ALDH7A1: variants seen among roughly 807,000 people sequenced by gnomAD.
ALDH7A1 encodes aldehyde dehydrogenase 7 family member A1.
A neutral mutation model predicts 79.9 loss-of-function variants in ALDH7A1; 63 were observed. The ratio of observed to expected loss-of-function variants is 0.79; its 90% CI spans 0.64 to 0.97. The LOEUF is 0.97. Ranked by LOEUF, ALDH7A1 falls within the 50% of genes least tolerant of loss-of-function variation. The pLI is 0.00. For synonymous variants in ALDH7A1, 240 were observed against 231.2 expected (o/e 1.04, Z -0.34); for missense variants, 627 against 665.2 (o/e 0.94, Z 0.63).
chr5:126,550,352 G>C (rs1749951791), intron 14 of ALDH7A1, 59 bp from the exon 15 acceptor site: 1 of 1,273,700 alleles, frequency 7.9e-7, no homozygotes, highest in Non-Finnish European at 1.1e-6. Context: ...AAAGTTCACT[G>C]ACATTAAACT....
chr5:126,581,868 C>T (rs543474769), intron 5 of ALDH7A1: 51 of 264,052 alleles, frequency 1.9e-4, no homozygotes, highest in African/African-American at 1.1e-3. Flanking sequence ...ATCCCAGCTA[C>T]TCAGGAGTCT....
chr5:126,542,634 C>T lies in ALDH7A1; in HGVS notation c.*2331G>A, dbSNP rs543756785. ...GAGCCACTATTGCACCACTGCACTC[C>T]AGTGTGGGCAAAACTGAGACACCAA... On this transcript the variant is annotated 3_prime_UTR_variant, in exon 18 of 18. Transcript: ENST00000409134. 1 of 152,218 alleles carries T rather than the reference C, an allele frequency of 6.6e-6. No individual in the cohort carries two copies. The highest frequency in any genetic ancestry group is 2.1e-4 in the South Asian group (1 of 4,814). The allele number at this position is 152,218 out of a possible 1,614,324, so 9.4% of individuals were successfully genotyped here. A position where few individuals can be genotyped will look rare whatever the true frequency, so the allele number is the denominator to read the frequency against.
intron 13 of ALDH7A1, among the ~76,000 whole-genome samples, chr5:126,553,710 C>A (rs565675104): frequency 1.3e-5 from 2 of 151,484 alleles, no homozygotes; most frequent in African/African-American, 2.4e-5. Context: ...GACGCAGGAG[C>A]CTGAGGTGGG....
intron 3 of ALDH7A1, among the ~76,000 whole-genome samples, chr5:126,590,980 C>T (rs751680840): frequency 6.6e-6 from 1 of 150,520 alleles, no homozygotes. Context: ...TATGGATGTA[C>T]AATAATCACA....
At chr5:126,586,384 G>A (rs1002080346) in intron 3 of ALDH7A1, 5 of 152,178 alleles carry the variant, frequency 3.3e-5, no homozygotes, top group Non-Finnish European at 7.3e-5. Flanking sequence ...ACTCAGAATG[G>A]CCAGTATACA....
intron 9 of ALDH7A1, among the ~76,000 whole-genome samples, chr5:126,563,621 G>C (rs1222738060): frequency 1.3e-5 from 2 of 152,070 alleles, no homozygotes; most frequent in East Asian, 3.9e-4. Flanking sequence ...TTCCCAAGTA[G>C]CTGGGACTAC....
Position 126,550,184 on chromosome 5 carries a change from A to G in ALDH7A1, c.1415+12T>C. 6.2e-7 allele frequency: 1 copy of G among 1,610,354 alleles called. No individual in the cohort carries two copies. The highest frequency in any genetic ancestry group is 8.5e-7 in the Non-Finnish European group (1 of 1,178,060). On this transcript the variant is annotated intron_variant, in intron 15 of 17. Transcript: ENST00000409134. ...AGACTTATATAAATTTTCAAAATAG[A>G]CAAAGTTGTACCCAAGCCAGCGAAA...
chr5:126,573,550 T>A (rs1329792288), intron 7 of ALDH7A1, among the ~76,000 whole-genome samples: 1 of 151,510 alleles, frequency 6.6e-6, no homozygotes, highest in South Asian at 2.1e-4. Flanking sequence ...TACAAAAAAT[T>A]AGCCGGGCGT....
At chr5:126,582,117 G>C in intron 5 of ALDH7A1, 1 of 398,612 alleles carries the variant, frequency 2.5e-6, no homozygotes, top group Non-Finnish European at 4.4e-6. Flanking sequence ...GAGGAGAGAA[G>C]TTTGAGACCA....
At chr5:126,564,498 A>G (rs1317297235) in intron 9 of ALDH7A1, 1 of 1,237,216 alleles carries the variant, frequency 8.1e-7, no homozygotes, top group East Asian at 3.2e-5. Flanking sequence ...CCTTAAGTGC[A>G]CTTTAAAATC....
chr5:126,564,201 G>C (rs967489334), intron 9 of ALDH7A1, among the ~76,000 whole-genome samples: 3 of 152,086 alleles, frequency 2.0e-5, no homozygotes, highest in African/African-American at 7.2e-5. Context: ...TCTGTTGCCA[G>C]GCTGGAATGC....
chr5:126,568,489 G>A, intron 8 of ALDH7A1, 133 bp from the exon 9 acceptor site: 2 of 795,112 alleles, frequency 2.5e-6, no homozygotes, highest in East Asian at 5.0e-5. Context: ...TCCCAGGGGA[G>A]CAAGGGAAGG....
In ALDH7A1 at chr5:126,567,389, T is replaced by C. The variant is rs116440293; in HGVS notation, c.871+870A>G. 6.7e-3 allele frequency among the ~76,000 whole-genome samples: 1,024 copies of C among 152,324 alleles called. 9 individuals carry two copies. Among genetic ancestry groups the C allele is most frequent in the African/African-American group, 0.019 (786 of 41,556 alleles). ...AATTTATGTTCAAGTACTATTTCTT[T>C]ACAGCACCCAAAAACAAACATTTCA... On this transcript the variant is annotated intron_variant, in intron 9 of 17. Coordinates refer to ENST00000409134, the MANE Select transcript of ALDH7A1 (RefSeq NM_001182.5).
intron 16 of ALDH7A1, among the ~76,000 whole-genome samples, chr5:126,548,425 T>TA (rs1749873145): frequency 6.8e-6 from 1 of 147,438 alleles, no homozygotes; most frequent in Non-Finnish European, 1.5e-5. Flanking sequence ...GCCCAAAACT[T>TA]TTTTTTTTTT....
At chr5:126,557,155 C>T (rs958596664) in intron 11 of ALDH7A1, among the ~76,000 whole-genome samples, 11 of 152,004 alleles carry the variant, frequency 7.2e-5, no homozygotes, top group Non-Finnish European at 1.0e-4. Flanking sequence ...TAATCTTTAA[C>T]GCAATTTAAT....
At chr5:126,560,130 G>C (rs7724875) in intron 10 of ALDH7A1, among the ~76,000 whole-genome samples, 13,251 of 152,074 alleles carry the variant, frequency 0.087, 701 homozygotes, top group East Asian at 0.14. Flanking sequence ...GCAGACACTA[G>C]TGCTCACTAA....
chr5:126,554,825 T>C (rs1040141757), intron 12 of ALDH7A1: 2 of 299,602 alleles, frequency 6.7e-6, no homozygotes, highest in Admixed American at 4.6e-5. Flanking sequence ...CAGTAGTTGG[T>C]GTATAATTCA....
At chr5:126,552,917 T>C (rs1173496242) in intron 13 of ALDH7A1, among the ~76,000 whole-genome samples, 1 of 150,938 alleles carries the variant, frequency 6.6e-6, no homozygotes, top group African/African-American at 2.4e-5. Flanking sequence ...ACTCAGCTAA[T>C]TTTTTTTTGA....
chr5:126,579,848 T>G (rs1211948713), intron 5 of ALDH7A1, among the ~76,000 whole-genome samples: 1 of 152,112 alleles, frequency 6.6e-6, no homozygotes, highest in African/African-American at 2.4e-5. Flanking sequence ...TAATCCCAGC[T>G]ACTCAGGAGG....
Sources: allele counts gnomAD v4.1 joint callset (sites outside exome capture counted in the v4.1 genomes callset), GRCh38; gene constraint gnomAD v4.1.1; transcripts MANE v1.5; gene names NCBI Gene and HGNC (gene_info 2026-07-23, HGNC 2026-07-21).